PLEKHG1: variants seen among roughly 807,000 people sequenced by gnomAD.
The protein encoded by PLEKHG1 is pleckstrin homology domain-containing family G member 1.
Under a neutral mutation model 100.8 loss-of-function variants are expected in PLEKHG1, and 44 were observed. The ratio of observed to expected loss-of-function variants is 0.44; its 90% CI spans 0.34 to 0.56. PLEKHG1 has a LOEUF of 0.56. Ranked by LOEUF, PLEKHG1 falls within the 20% of genes least tolerant of loss-of-function variation. The pLI, the probability that PLEKHG1 is intolerant of heterozygous loss-of-function variation, is 0.01. For synonymous variants in PLEKHG1, 640 were observed against 662.5 expected (o/e 0.97, Z 0.52); for missense variants, 1,545 against 1,720.9 (o/e 0.90, Z 1.81).
At chr6:150,673,628 T>G (rs1295698397) in intron 3 of PLEKHG1, among the ~76,000 whole-genome samples, 1 of 151,822 alleles carries the variant, frequency 6.6e-6, no homozygotes, top group Admixed American at 6.6e-5. Flanking sequence ...CTTTCCTTCC[T>G]TCCTTCTTTC....
At chr6:150,652,331 G>A (rs745348283) in intron 3 of PLEKHG1, among the ~76,000 whole-genome samples, 4 of 152,110 alleles carry the variant, frequency 2.6e-5, no homozygotes, top group Non-Finnish European at 4.4e-5. Context: ...CTATTTCCAC[G>A]CTTATGCTTA....
intron 15 of PLEKHG1, among the ~76,000 whole-genome samples, chr6:150,835,410 T>A (rs1777175021): frequency 6.6e-6 from 1 of 152,178 alleles, no homozygotes; most frequent in Non-Finnish European, 1.5e-5. Flanking sequence ...TCAGAAACAT[T>A]TATTTTAATC....
intron 4 of PLEKHG1, 111 bp from the exon 6 acceptor site, chr6:150,795,745 A>G (rs1013145100): frequency 4.3e-5 from 23 of 529,000 alleles, no homozygotes; most frequent in Non-Finnish European, 7.3e-5. Flanking sequence ...AAAAACATAT[A>G]TATATATATA....
intron 7 of PLEKHG1, among the ~76,000 whole-genome samples, chr6:150,806,190 C>CAGAGGA (rs71014523): frequency 0.1 from 14,511 of 142,594 alleles, 1,013 homozygotes; most frequent in East Asian, 0.22. Context: ...TATCAAAAAT[C>CAGAGGA]AGAGGAAGAT....
At position 150,701,749 on chromosome 6, in the gene PLEKHG1, TAAAAAAC is replaced by T. The variant is rs376576723; in HGVS notation, c.-98-31828_-98-31822del. ...CTGTGACTGTTTCCATGTTGCAACTTAAAAAACAAAAAAAAGAATAAAATTAGTTTCA... is the reference window on the plus strand; with the variant it reads ...CTGTGACTGTTTCCATGTTGCAACTTAAAAAAAAGAATAAAATTAGTTTCA... On this transcript the variant is annotated intron_variant, in intron 3 of 3. Transcript: ENST00000367326. Among the ~76,000 whole-genome samples the T allele has an allele frequency of 2.8e-3, 427 of 151,624 alleles. 5 individuals are homozygous for T. Among genetic ancestry groups the T allele is most frequent in the Non-Finnish European group, 3.4e-3 (234 of 67,892 alleles).
At chr6:150,833,300 A>T (rs803408) in intron 15 of PLEKHG1, among the ~76,000 whole-genome samples, 1 of 152,014 alleles carries the variant, frequency 6.6e-6, no homozygotes, top group East Asian at 1.9e-4. Context: ...TGACTCTCCC[A>T]CCTTGGCCTC....
intron 3 of PLEKHG1, among the ~76,000 whole-genome samples, chr6:150,697,204 A>T (rs1780580336): frequency 6.6e-6 from 1 of 152,242 alleles, no homozygotes; most frequent in South Asian, 2.1e-4. Context: ...TGATGATTTG[A>T]TTCTGAAAGA....
chr6:150,832,138 T>A, exon 15 of PLEKHG1: 1 of 1,613,176 alleles, frequency 6.2e-7, no homozygotes, highest in Non-Finnish European at 8.5e-7. Flanking sequence ...CCAGTCAGCA[T>A]CAGAAATCCA....
chr6:150,802,400 A>G (rs1442385167), intron 6 of PLEKHG1, among the ~76,000 whole-genome samples: 1 of 152,168 alleles, frequency 6.6e-6, no homozygotes, highest in African/African-American at 2.4e-5. Flanking sequence ...GTGTGTCCCA[A>G]AAATCTCTAA....
At chr6:150,834,728 GT>G in intron 15 of PLEKHG1, among the ~76,000 whole-genome samples, 1 of 152,180 alleles carries the variant, frequency 6.6e-6, no homozygotes, top group African/African-American at 2.4e-5. Context: ...TCAGCTTTGC[GT>G]CTGGGTCCTT....
At chr6:150,725,812 G>T (rs893224592) in intron 1 of PLEKHG1, among the ~76,000 whole-genome samples, 1 of 150,798 alleles carries the variant, frequency 6.6e-6, no homozygotes, top group African/African-American at 2.4e-5. Context: ...ATATTTTTAG[G>T]TCTTAATGTA....
chr6:150,710,082 G>C (rs374067836), intron 3 of PLEKHG1, among the ~76,000 whole-genome samples: 1 of 152,166 alleles, frequency 6.6e-6, no homozygotes, highest in South Asian at 2.1e-4. Flanking sequence ...AAAACTCTTA[G>C]AGCAGCATAA....
chr6:150,700,417 G>A (rs1780723859), intron 3 of PLEKHG1, among the ~76,000 whole-genome samples: 1 of 152,034 alleles, frequency 6.6e-6, no homozygotes, highest in African/African-American at 2.4e-5. Context: ...CTAGGACCCA[G>A]CAGTCTGTGT....
intron 10 of PLEKHG1, among the ~76,000 whole-genome samples, chr6:150,815,044 C>T (rs1583185049): frequency 6.6e-6 from 1 of 152,290 alleles, no homozygotes; most frequent in East Asian, 1.9e-4. Flanking sequence ...GTCTAATATA[C>T]TTTATTCACT....
At chr6:150,632,217 G>C (rs1777786790) in intron 1 of PLEKHG1, among the ~76,000 whole-genome samples, 1 of 152,190 alleles carries the variant, frequency 6.6e-6, no homozygotes, top group Non-Finnish European at 1.5e-5. Flanking sequence ...CACAAGCAAA[G>C]CTGGAAGAAA....
At chr6:150,801,165 A>G (rs1348941009) in intron 6 of PLEKHG1, among the ~76,000 whole-genome samples, 1 of 152,186 alleles carries the variant, frequency 6.6e-6, no homozygotes, top group Non-Finnish European at 1.5e-5. Context: ...TGCGAATGAA[A>G]AACAGATTTT....
intron 3 of PLEKHG1, among the ~76,000 whole-genome samples, chr6:150,780,947 C>T (rs1785274792): frequency 1.3e-5 from 2 of 151,884 alleles, no homozygotes; most frequent in Non-Finnish European, 2.9e-5. Context: ...TATCTCAGCT[C>T]ACTGCAACCT....
At chr6:150,701,319 C>CAAAAA (rs1191848222) in intron 3 of PLEKHG1, among the ~76,000 whole-genome samples, 1 of 104,458 alleles carries the variant, frequency 9.6e-6, no homozygotes, top group Non-Finnish European at 2.1e-5. Flanking sequence ...GACTCTATCT[C>CAAAAA]AAAAAAAAAA....
chr6:150,732,014 T>G (rs977838167), intron 1 of PLEKHG1, among the ~76,000 whole-genome samples: 4 of 147,554 alleles, frequency 2.7e-5, no homozygotes, highest in Admixed American at 7.0e-5. Flanking sequence ...CAGTCTGGAG[T>G]GCAGTGGCGC....
Sources: gnomAD v4.1 joint callset for allele counts (sites outside exome capture counted in the v4.1 genomes callset) on GRCh38, gnomAD v4.1.1 for gene constraint, MANE v1.5 for transcripts, NCBI Gene and HGNC (gene_info 2026-07-23, HGNC 2026-07-21) for gene names.